The following GLIS1 variants were observed in gnomAD, a reference collection of about 807,000 sequenced individuals.
GLIS1 encodes the protein GLIS family zinc finger 1.
GLIS1 carries 24 observed loss-of-function variants against 63.8 expected under a neutral mutation model. The observed-to-expected ratio is 0.38, with a 90% confidence interval of 0.27 to 0.53. GLIS1 has a LOEUF of 0.53. GLIS1 is among the 20% of genes least tolerant of loss of function. GLIS1 has a pLI of 0.85. For missense variants in GLIS1, 1,036 were observed against 1,074.1 expected, an observed-to-expected ratio of 0.96 and a Z score of 0.50; for synonymous variants, 450 against 482.5, an observed-to-expected ratio of 0.93 and a Z score of 0.88.
intron 2 of GLIS1, among the ~76,000 whole-genome samples, chr1:53,667,276 A>C (rs1239661554): frequency 6.6e-6 from 1 of 152,224 alleles, no homozygotes. Flanking sequence ...CCTTCTCTCA[A>C]TATGAGCTCC....
rs1274038175 is a variant in GLIS1 at position 53,639,824 on chromosome 1, T to C, written c.260-39546A>G. Among the ~76,000 whole-genome samples, 11 of 152,308 alleles carry C rather than the reference T, an allele frequency of 7.2e-5. No homozygotes were observed. The East Asian group carries it at 2.1e-3, about 29-fold the overall frequency. On this transcript the variant is annotated intron_variant, in intron 2 of 10. Coordinates refer to ENST00000628545, the MANE Select transcript of GLIS1 (RefSeq NM_001367484.1). The surrounding 1 kb of genome is among the most constrained non-coding windows in gnomAD (Gnocchi z 4.6). ...ATACTCCTCACAGCTGCCCCGAGGTTCTGCTTTGCCACTGAGGAAAGTAGG... is the reference window on the plus strand; with the variant it reads ...ATACTCCTCACAGCTGCCCCGAGGTCCTGCTTTGCCACTGAGGAAAGTAGG...
chr1:53,635,061 G>T (rs1016446561), intron 2 of GLIS1, among the ~76,000 whole-genome samples: 1 of 150,968 alleles, frequency 6.6e-6, no homozygotes, highest in Non-Finnish European at 1.5e-5. Context: ...CTCTGTTGTT[G>T]TTTTTTTTTT....
intron 5 of GLIS1, among the ~76,000 whole-genome samples, chr1:53,525,370 G>A (rs900115867): frequency 1.6e-5 from 1 of 63,426 alleles, no homozygotes; most frequent in African/African-American, 6.0e-5. Context: ...CAGAGGCACC[G>A]GACTGCTCTT....
intron 2 of GLIS1, among the ~76,000 whole-genome samples, chr1:53,691,921 A>C (rs1646410345): frequency 6.6e-6 from 1 of 151,996 alleles, no homozygotes. Context: ...TATTACCATT[A>C]CTCTAGTCCC....
Position 53,511,355 on chromosome 1 carries a change from A to G in GLIS1, c.1884-1328T>C, listed in dbSNP as rs548212395. Reference sequence around the variant, plus strand: ...GTGCCTCTCTGAAGGAAGCAGGGCTATCTGGAAATGGGGAAAGCAGATTTG... The same window carrying G: ...GTGCCTCTCTGAAGGAAGCAGGGCTGTCTGGAAATGGGGAAAGCAGATTTG... On this transcript the variant is annotated intron_variant, in intron 8 of 10. Transcript: ENST00000628545. The surrounding 1 kb of genome is among the most constrained non-coding windows in gnomAD (Gnocchi z 4.2). Among the ~76,000 whole-genome samples, 1 of 152,324 alleles carries G rather than the reference A, an allele frequency of 6.6e-6. No individual in the cohort carries two copies. The highest frequency in any genetic ancestry group is 2.1e-4 in the South Asian group (1 of 4,828).
At chr1:53,599,331 T>C (rs1013371557) in intron 3 of GLIS1, among the ~76,000 whole-genome samples, 15 of 152,172 alleles carry the variant, frequency 9.9e-5, no homozygotes, top group African/African-American at 3.1e-4. Flanking sequence ...TGGATGATCA[T>C]GGGAGTGGGA....
intron 2 of GLIS1, among the ~76,000 whole-genome samples, chr1:53,736,272 CTG>C (rs1420307104): frequency 6.6e-6 from 1 of 152,114 alleles, no homozygotes; most frequent in Non-Finnish European, 1.5e-5. Flanking sequence ...GTAAAAATAA[CTG>C]GGGTTAGGGG....
At chr1:53,637,552 G>C (rs984713520) in intron 2 of GLIS1, among the ~76,000 whole-genome samples, 2 of 152,178 alleles carry the variant, frequency 1.3e-5, no homozygotes, top group African/African-American at 2.4e-5. Context: ...ACTATAGCCT[G>C]AGGATGGCAA....
intron 4 of GLIS1, among the ~76,000 whole-genome samples, chr1:53,577,411 C>T (rs1475282967): frequency 1.3e-5 from 2 of 152,210 alleles, no homozygotes; most frequent in Admixed American, 6.5e-5. Flanking sequence ...TGACCTGTCC[C>T]TCCTGATTCT....
At chr1:53,715,586 A>G (rs1018469227) in intron 2 of GLIS1, among the ~76,000 whole-genome samples, 1 of 152,020 alleles carries the variant, frequency 6.6e-6, no homozygotes, top group Non-Finnish European at 1.5e-5. Flanking sequence ...CGGCTGGGAG[A>G]CCAATGAGGA....
In GLIS1 at chr1:53,646,884, GGGAAGGGAA is replaced by G. The variant is rs1233468204; in HGVS notation, c.260-46615_260-46607del. 1.4e-5 allele frequency among the ~76,000 whole-genome samples: 2 copies of G among 143,326 alleles called. No individual in the cohort carries two copies. The highest frequency in any genetic ancestry group is 2.2e-4 in the South Asian group (1 of 4,498). 94.0% of individuals were successfully genotyped at this position (143,326 alleles called of 152,430 possible). A position where few individuals can be genotyped will look rare whatever the true frequency, so the allele number is the denominator to read the frequency against. On this transcript the variant is annotated intron_variant, in intron 2 of 10. Coordinates refer to ENST00000628545, the MANE Select transcript of GLIS1 (RefSeq NM_001367484.1). The surrounding 1 kb of genome is among the most constrained non-coding windows in gnomAD (Gnocchi z 4.2). ...GAAAGAAGGAAGGAAGGAAGGAGAA[GGGAAGGGAA>G]GGAAGGAAAGGAAGGAAGGGAAGGA...
intron 2 of GLIS1, among the ~76,000 whole-genome samples, chr1:53,685,262 G>T (rs1646322239): frequency 6.6e-6 from 1 of 152,166 alleles, no homozygotes; most frequent in African/African-American, 2.4e-5. Context: ...GACCCTACAT[G>T]CTGCCACACA....
chr1:53,510,907 AC>A (rs573513945), intron 8 of GLIS1, among the ~76,000 whole-genome samples: 166 of 152,186 alleles, frequency 1.1e-3, no homozygotes, highest in African/African-American at 3.8e-3. Context: ...CAGGCTCTAG[AC>A]TGTGCACTCT....
intron 4 of GLIS1, among the ~76,000 whole-genome samples, chr1:53,573,608 G>A (rs1645004637): frequency 1.3e-5 from 2 of 152,186 alleles, no homozygotes; most frequent in East Asian, 1.9e-4. Flanking sequence ...CTTGACCCAT[G>A]TAACACGTTC....
At chr1:53,591,189 A>T (rs1645189932) in intron 4 of GLIS1, among the ~76,000 whole-genome samples, 1 of 152,262 alleles carries the variant, frequency 6.6e-6, no homozygotes, top group Non-Finnish European at 1.5e-5. Context: ...AAAAATTAAT[A>T]ATTTTACAGG....
intron 2 of GLIS1, among the ~76,000 whole-genome samples, chr1:53,724,761 C>A (rs925432221): frequency 6.6e-6 from 1 of 152,072 alleles, no homozygotes; most frequent in African/African-American, 2.4e-5. Context: ...TTCAAGCAAT[C>A]CTCCTGGCTT....
chr1:53,648,086 ATCGC>A (rs1645866120), intron 2 of GLIS1, among the ~76,000 whole-genome samples: 1 of 152,134 alleles, frequency 6.6e-6, no homozygotes, highest in Admixed American at 6.5e-5. Flanking sequence ...AGATGGGAGG[ATCGC>A]TTGAGCCTAG....
chr1:53,738,308 T>C (rs1338348880), intron 1 of GLIS1, among the ~76,000 whole-genome samples: 1 of 152,114 alleles, frequency 6.6e-6, no homozygotes, highest in African/African-American at 2.4e-5. Context: ...CGGTTCGCCC[T>C]TCCCTGGTGT....
intron 4 of GLIS1, among the ~76,000 whole-genome samples, chr1:53,531,996 C>T (rs1644535887): frequency 6.6e-6 from 1 of 152,102 alleles, no homozygotes; most frequent in African/African-American, 2.4e-5. Flanking sequence ...CTGTGAAGGC[C>T]CCTGAGTGGT....
Sources: allele counts gnomAD v4.1 joint callset (sites outside exome capture counted in the v4.1 genomes callset), GRCh38; gene constraint gnomAD v4.1.1; non-coding constraint Gnocchi (gnomAD v3.1); transcripts MANE v1.5; gene names NCBI Gene and HGNC (gene_info 2026-07-23, HGNC 2026-07-21).